Variants in ANO4 observed in about 807,000 individuals in gnomAD.
The protein encoded by ANO4 is anoctamin-4.
In ANO4, 69 loss-of-function variants were observed where a neutral mutation model predicts 141.9. The observed-to-expected ratio is 0.49, with a 90% confidence interval of 0.40 to 0.59. The LOEUF (loss-of-function observed/expected upper bound fraction) is 0.59. Ranked by LOEUF, ANO4 falls within the 20% of genes least tolerant of loss-of-function variation. The pLI is 0.00. For synonymous variants in ANO4, 350 were observed against 394.3 expected, an observed-to-expected ratio of 0.89 and a Z score of 1.33; for missense variants, 894 against 1,162.2, an observed-to-expected ratio of 0.77 and a Z score of 3.36.
Position 101,037,149 on chromosome 12 carries a change from A to T in ANO4, c.896A>T (p.Glu299Val). 1 of 1,613,876 alleles carries T rather than the reference A, an allele frequency of 6.2e-7. No individual in the cohort carries two copies. Among genetic ancestry groups the T allele is most frequent in the Non-Finnish European group, 8.5e-7 (1 of 1,179,848 alleles). Reference sequence around the variant, plus strand: ...TATGAAGCTGCGTTTCCCCTGCATGAGGTATTGTGCTGTCTTTAATCTTTA... The same window carrying T: ...TATGAAGCTGCGTTTCCCCTGCATGTGGTATTGTGCTGTCTTTAATCTTTA... Reference protein sequence around the residue: ...GSYEAAFPLHEGSYRSKNSIR... With the variant: ...GSYEAAFPLHVGSYRSKNSIR... Residue 299 changes from glutamate (E) to valine (V), a missense_variant and splice_region_variant, in exon 10 of 28, where the codon GAG (glutamate) becomes GTG (valine). Glu to Val is a moderately radical substitution (Grantham distance 121). Coordinates refer to ENST00000392977, the MANE Select transcript of ANO4 (RefSeq NM_001286615.2).
At chr12:101,028,968 C>CTAACAATG (rs1482168921) in intron 9 of ANO4, among the ~76,000 whole-genome samples, 1 of 152,198 alleles carries the variant, frequency 6.6e-6, no homozygotes, top group Non-Finnish European at 1.5e-5. Context: ...GCCCATCAGA[C>CTAACAATG]TAACAATGCA....
chr12:100,770,015 T>G (rs1340124522), intron 3 of ANO4, among the ~76,000 whole-genome samples: 1 of 152,256 alleles, frequency 6.6e-6, no homozygotes, highest in East Asian at 1.9e-4. Context: ...GATTGTTCAT[T>G]ATGCAGACAG....
At chr12:100,910,833 A>C (rs188698093) in intron 2 of ANO4, among the ~76,000 whole-genome samples, 1 of 152,162 alleles carries the variant, frequency 6.6e-6, no homozygotes, top group Non-Finnish European at 1.5e-5. Context: ...GAATTTGTAA[A>C]ATAATGTTTT....
At position 101,025,591 on chromosome 12, in the gene ANO4, A is replaced by G. The variant is rs534015427; in HGVS notation, c.841+5451A>G. On this transcript the variant is annotated intron_variant, in intron 9 of 27. Transcript: ENST00000392977. ...CCCAAGGCCAGAGAAAGAACCATCCAAAAGAATTTCCAGTAAGACTGGAAC... is the reference window on the plus strand; with the variant it reads ...CCCAAGGCCAGAGAAAGAACCATCCGAAAGAATTTCCAGTAAGACTGGAAC... Among the ~76,000 whole-genome samples the G allele has an allele frequency of 5.9e-5, 9 of 152,366 alleles. No homozygotes were observed. In the East Asian group the frequency reaches 1.7e-3, roughly 29 times the overall value.
intron 3 of ANO4, among the ~76,000 whole-genome samples, chr12:100,760,237 T>C (rs972073823): frequency 2.0e-5 from 3 of 152,230 alleles, no homozygotes; most frequent in Non-Finnish European, 4.4e-5. Flanking sequence ...CTAATATTCA[T>C]TGAATACCTA....
intron 14 of ANO4, chr12:101,068,969 T>C (rs1180245268): frequency 1.9e-5 from 15 of 785,588 alleles, no homozygotes; most frequent in South Asian, 2.7e-5. Flanking sequence ...AAAGCCCTCA[T>C]TGACTATGAA....
At chr12:100,822,343 A>G (rs1252904312) in intron 1 of ANO4, among the ~76,000 whole-genome samples, 1 of 151,956 alleles carries the variant, frequency 6.6e-6, no homozygotes, top group East Asian at 1.9e-4. Flanking sequence ...TCTTTCCCCA[A>G]AGTCCCAACT....
At chr12:101,067,244 T>G (rs1174320285) in intron 14 of ANO4, among the ~76,000 whole-genome samples, 1 of 152,232 alleles carries the variant, frequency 6.6e-6, no homozygotes, top group Non-Finnish European at 1.5e-5. Context: ...CATACAGGCT[T>G]ACATTATTTA....
At chr12:100,757,956 C>T (rs1348155101) in intron 3 of ANO4, among the ~76,000 whole-genome samples, 1 of 152,136 alleles carries the variant, frequency 6.6e-6, no homozygotes, top group African/African-American at 2.4e-5. Flanking sequence ...CCTTCAAGGA[C>T]TGTGGATTTT....
chr12:100,906,339 T>G (rs2040844872), intron 2 of ANO4, among the ~76,000 whole-genome samples: 1 of 152,160 alleles, frequency 6.6e-6, no homozygotes, highest in South Asian at 2.1e-4. Context: ...CGGTTGAAAT[T>G]CCCAGAGGGT....
intron 8 of ANO4, among the ~76,000 whole-genome samples, chr12:101,010,106 G>T (rs1009813579): frequency 1.1e-4 from 16 of 152,130 alleles, no homozygotes; most frequent in Non-Finnish European, 1.6e-4. Flanking sequence ...AGATCTGTCT[G>T]CTTGGCACAT....
chr12:100,957,264 C>T (rs2043209031), intron 5 of ANO4, among the ~76,000 whole-genome samples: 1 of 152,190 alleles, frequency 6.6e-6, no homozygotes, highest in African/African-American at 2.4e-5. Flanking sequence ...CGAAGAGAGG[C>T]AAAACCTGGG....
chr12:100,977,881 T>C (rs2044274866), intron 7 of ANO4, among the ~76,000 whole-genome samples: 1 of 152,224 alleles, frequency 6.6e-6, no homozygotes, highest in Admixed American at 6.5e-5. Flanking sequence ...CACTCTTTGC[T>C]CCATCCATAT....
chr12:100,904,799 G>A (rs1168863004), intron 2 of ANO4, among the ~76,000 whole-genome samples: 1 of 152,162 alleles, frequency 6.6e-6, no homozygotes, highest in Admixed American at 6.5e-5. Flanking sequence ...AGACTATGGG[G>A]AGAATAGATT....
intron 1 of ANO4, among the ~76,000 whole-genome samples, chr12:100,803,125 A>G (rs1044705522): frequency 6.6e-6 from 1 of 152,188 alleles, no homozygotes; most frequent in African/African-American, 2.4e-5. Flanking sequence ...TTAGAGGAAC[A>G]TGGGATGGAA....
intron 1 of ANO4, among the ~76,000 whole-genome samples, chr12:100,892,502 G>A (rs1048199534): frequency 6.6e-6 from 1 of 152,140 alleles, no homozygotes; most frequent in African/African-American, 2.4e-5. Context: ...CAGAAGTCTG[G>A]CATTTGAGAA....
At chr12:100,957,941 C>T (rs2043241136) in intron 5 of ANO4, among the ~76,000 whole-genome samples, 1 of 152,240 alleles carries the variant, frequency 6.6e-6, no homozygotes, top group Admixed American at 6.5e-5. Context: ...CCCCTGGCTT[C>T]AGGTGATCTG....
intron 3 of ANO4, among the ~76,000 whole-genome samples, chr12:100,752,388 G>GA (rs985582019): frequency 2.0e-5 from 3 of 151,208 alleles, no homozygotes; most frequent in African/African-American, 7.3e-5. Flanking sequence ...ACACAAACCT[G>GA]AAAAAAAATT....
At chr12:100,838,661 G>T (rs1359604781) in intron 1 of ANO4, among the ~76,000 whole-genome samples, 3 of 152,114 alleles carry the variant, frequency 2.0e-5, no homozygotes, top group Non-Finnish European at 4.4e-5. Context: ...GGAAAATAAA[G>T]TTTCATAAAT....
Sources: allele counts gnomAD v4.1 joint callset (sites outside exome capture counted in the v4.1 genomes callset), GRCh38; gene constraint gnomAD v4.1.1; transcripts MANE v1.5; gene names NCBI Gene and HGNC (gene_info 2026-07-23, HGNC 2026-07-21).